Variants in NR1D2 observed in about 807,000 individuals in gnomAD.
NR1D2 encodes the protein V-erbA-related protein 1-related.
A neutral mutation model predicts 52.2 loss-of-function variants in NR1D2; 25 were observed. The observed-to-expected ratio is 0.48, with a 90% CI of 0.35 to 0.67. The LOEUF (loss-of-function observed/expected upper bound fraction) is 0.67. Ranked by LOEUF, NR1D2 falls within the 30% of genes least tolerant of loss-of-function variation. NR1D2 has a pLI of 0.01. For missense variants in NR1D2, 681 were observed against 707.2 expected (o/e 0.96, Z 0.42); for synonymous variants, 259 against 230.1 (o/e 1.13, Z -1.14).
chr3:23,956,915 A>C (rs1463782420), intron 3 of NR1D2, among the ~76,000 whole-genome samples: 1 of 152,138 alleles, frequency 6.6e-6, no homozygotes, highest in Non-Finnish European at 1.5e-5. Context: ...ATGGGTAAAC[A>C]AGATAATGAA....
At position 23,979,496 on chromosome 3, in the gene NR1D2, A is replaced by G. The variant is rs191716619; in HGVS notation, c.*2077A>G. The G allele has an allele frequency of 1.2e-4, 18 of 152,202 alleles. No homozygotes were observed. The East Asian group carries it at 3.5e-3, about 29-fold the overall frequency. The allele number at this position is 152,202 out of a possible 1,614,324, so 9.4% of individuals were successfully genotyped here. Reference sequence around the variant, plus strand: ...CTTTAAAACAATTAAGTCTTTAGGAATGTGTAACCAGAACTATGTTAGTAT... The same window carrying G: ...CTTTAAAACAATTAAGTCTTTAGGAGTGTGTAACCAGAACTATGTTAGTAT... On this transcript the variant is annotated 3_prime_UTR_variant, in exon 8 of 8. Coordinates refer to ENST00000312521, the MANE Select transcript of NR1D2 (RefSeq NM_005126.5).
intron 6 of NR1D2, among the ~76,000 whole-genome samples, chr3:23,966,353 CACTT>C (rs1204686414): frequency 6.6e-6 from 1 of 152,204 alleles, no homozygotes; most frequent in Non-Finnish European, 1.5e-5. Flanking sequence ...GTGCTTAGAA[CACTT>C]ACTGTGATAG....
At chr3:23,971,628 C>G (rs1203796898) in intron 7 of NR1D2, among the ~76,000 whole-genome samples, 1 of 152,026 alleles carries the variant, frequency 6.6e-6, no homozygotes, top group African/African-American at 2.4e-5. Flanking sequence ...CCTTTTCCCT[C>G]TCAATTTTTT....
intron 6 of NR1D2, among the ~76,000 whole-genome samples, chr3:23,967,394 C>G (rs968160415): frequency 6.6e-6 from 1 of 151,946 alleles, no homozygotes; most frequent in African/African-American, 2.4e-5. Context: ...GCGGGTGGAT[C>G]ACCTGAGGTC....
intron 6 of NR1D2, 60 bp from the exon 7 acceptor site, chr3:23,967,753 A>G: frequency 7.6e-7 from 1 of 1,317,518 alleles, no homozygotes; most frequent in East Asian, 2.4e-5. Context: ...TTGAATACTA[A>G]GTTATTTTTT....
Position 23,964,992 on chromosome 3 carries a change from A to G in NR1D2, c.1162A>G (p.Lys388Glu), listed in dbSNP as rs997544680. The change falls in exon 6 of 8, where the codon AAG (lysine) becomes GAG (glutamate). Residue 388 changes from lysine to glutamate, a missense_variant. By Grantham distance (56) the Lys-to-Glu change is moderately conservative (BLOSUM62 1). Coordinates refer to ENST00000312521, the MANE Select transcript of NR1D2 (RefSeq NM_005126.5). ...GRMHLVCPMSKSPYVDPHKSG... is the reference protein window; with the variant it reads ...GRMHLVCPMSESPYVDPHKSG... ...TGTATACTAGGTTTGTCCAATGAGT[A>G]AGTCTCCATATGTGGATCCTCATAA... The G allele has an allele frequency of 1.5e-5, 24 of 1,611,770 alleles. No individual in the cohort carries two copies. Among genetic ancestry groups the G allele is most frequent in the East Asian group, 8.9e-5 (4 of 44,850 alleles).
At chr3:23,971,301 C>CTTTTTTTT (rs1553599104) in intron 7 of NR1D2, among the ~76,000 whole-genome samples, 4 of 110,846 alleles carry the variant, frequency 3.6e-5, no homozygotes, top group African/African-American at 1.4e-4. Context: ...ATCTCTATAC[C>CTTTTTTTT]TATTTTTTTT....
intron 7 of NR1D2, among the ~76,000 whole-genome samples, chr3:23,970,274 G>A (rs546990631): frequency 6.6e-6 from 1 of 152,246 alleles, no homozygotes; most frequent in African/African-American, 2.4e-5. Flanking sequence ...AAGTAGAAGG[G>A]CCAACTTCCC....
Position 23,962,322 on chromosome 3 carries a change from C to T in NR1D2, c.863C>T (p.Pro288Leu), listed in dbSNP as rs17857306. 2.5e-6 allele frequency: 4 copies of T among 1,614,124 alleles called. No homozygotes were observed. Among genetic ancestry groups the T allele is most frequent in the Middle Eastern group, 1.6e-4 (1 of 6,062 alleles). Reference sequence around the variant, plus strand: ...CAGCCCCAGAGAGGAGAACGGATTCCCAAGAACATGGAGCAATATAATTTA... The same window carrying T: ...CAGCCCCAGAGAGGAGAACGGATTCTCAAGAACATGGAGCAATATAATTTA... ...SMQPQRGERI[P>L]KNMEQYNLNH... is the part of the protein sequence containing the mutation. The change falls in exon 5 of 8, where the codon CCC (proline) becomes CTC (leucine). Residue 288 changes from proline (P) to leucine (L), a missense_variant. Pro to Leu is a moderately conservative substitution (Grantham distance 98). Transcript: ENST00000312521.
At position 23,978,247 on chromosome 3, in the gene NR1D2, T is replaced by C. The variant is rs1163218748; in HGVS notation, c.*828T>C. The C allele has an allele frequency of 2.0e-5, 3 of 152,198 alleles. No individual in the cohort carries two copies. The highest frequency in any genetic ancestry group is 7.2e-5 in the African/African-American group (3 of 41,446). The allele number at this position is 152,198 out of a possible 1,614,324, so 9.4% of individuals were successfully genotyped here. A position where few individuals can be genotyped will look rare whatever the true frequency, so the allele number is the denominator to read the frequency against. Reference sequence around the variant, plus strand: ...TACATGTACATAATATGTATGTGAATATAGTTAAATATATTTCTTCACAAT... The same window carrying C: ...TACATGTACATAATATGTATGTGAACATAGTTAAATATATTTCTTCACAAT... On this transcript the variant is annotated 3_prime_UTR_variant, in exon 8 of 8. Coordinates refer to ENST00000312521, the MANE Select transcript of NR1D2 (RefSeq NM_005126.5).
chr3:23,959,327 A>G (rs1466919627), intron 3 of NR1D2, among the ~76,000 whole-genome samples: 5 of 152,128 alleles, frequency 3.3e-5, no homozygotes. Context: ...TGTAGTGAAT[A>G]AAAGTATGAG....
intron 7 of NR1D2, among the ~76,000 whole-genome samples, chr3:23,973,287 A>G (rs1198965343): frequency 6.6e-6 from 1 of 152,248 alleles, no homozygotes; most frequent in African/African-American, 2.4e-5. Flanking sequence ...TGTGAACATC[A>G]TAGAGTGTAC....
rs141991664 is a variant in NR1D2, at chr3:23,972,079, A to G, written c.1543+4056A>G. Among the ~76,000 whole-genome samples, 658 of 152,350 alleles carry G rather than the reference A, an allele frequency of 4.3e-3. 9 individuals carry two copies. Among genetic ancestry groups the G allele is most frequent in the African/African-American group, 0.015 (633 of 41,578 alleles). On this transcript the variant is annotated intron_variant, in intron 7 of 7. Transcript: ENST00000312521. ...AAGTAACATAGTTTGCTTTATCTTT[A>G]AAATAGCTTTTTCTTCTTGGAAATG...
chr3:23,979,469 A>G lies in NR1D2; in HGVS notation c.*2050A>G, dbSNP rs1706820211. 1 of 152,040 alleles carries G rather than the reference A, an allele frequency of 6.6e-6. No homozygotes were observed. Among genetic ancestry groups the G allele is most frequent in the Admixed American group, 6.5e-5 (1 of 15,272 alleles). The allele number at this position is 152,040 out of a possible 1,614,324, so 9.4% of individuals were successfully genotyped here. On this transcript the variant is annotated 3_prime_UTR_variant, in exon 8 of 8. Transcript: ENST00000312521. Reference sequence around the variant, plus strand: ...TTGCATAAGCCTCTTTATAACATGTATCTTTAAAACAATTAAGTCTTTAGG... The same window carrying G: ...TTGCATAAGCCTCTTTATAACATGTGTCTTTAAAACAATTAAGTCTTTAGG...
intron 1 of NR1D2, among the ~76,000 whole-genome samples, chr3:23,950,962 A>G (rs527274477): frequency 6.4e-5 from 9 of 141,562 alleles, no homozygotes; most frequent in East Asian, 2.0e-4. Context: ...CTGGAGTGCA[A>G]TGGTGCCATC....
chr3:23,973,700 C>T (rs1439620393), intron 7 of NR1D2, among the ~76,000 whole-genome samples: 1 of 152,114 alleles, frequency 6.6e-6, no homozygotes, highest in Non-Finnish European at 1.5e-5. Context: ...TTAGCTTGCT[C>T]TGTTTTACTT....
chr3:23,945,411 C>G lies in NR1D2; in HGVS notation c.-168C>G, dbSNP rs2125275199. 5.0e-6 allele frequency: 1 copy of G among 198,282 alleles called. No individual in the cohort carries two copies. Among genetic ancestry groups the G allele is most frequent in the African/African-American group, 2.4e-5 (1 of 42,200 alleles). The allele number at this position is 198,282 out of a possible 1,614,324, so 12.3% of individuals were successfully genotyped here. A position where few individuals can be genotyped will look rare whatever the true frequency, so the allele number is the denominator to read the frequency against. ...CGCCACCCTCTCTCGCTGCAGCCTG[C>G]TGTGCGCTGCACGGCCTGGGGCCCG... On this transcript the variant is annotated 5_prime_UTR_variant, in exon 1 of 8. Transcript: ENST00000312521.
intron 7 of NR1D2, among the ~76,000 whole-genome samples, chr3:23,970,468 A>G (rs1706557651): frequency 6.6e-6 from 1 of 152,208 alleles, no homozygotes; most frequent in African/African-American, 2.4e-5. Context: ...AAATATTAAA[A>G]TGGAAAAAAA....
At chr3:23,963,012 G>A (rs1706326265) in intron 5 of NR1D2, among the ~76,000 whole-genome samples, 1 of 151,070 alleles carries the variant, frequency 6.6e-6, no homozygotes, top group South Asian at 2.1e-4. Flanking sequence ...TCTATAGAAA[G>A]AGGTTTTTTT....
Sources: gnomAD v4.1 joint callset for allele counts (sites outside exome capture counted in the v4.1 genomes callset) on GRCh38, gnomAD v4.1.1 for gene constraint, MANE v1.5 for transcripts, NCBI Gene and HGNC (gene_info 2026-07-23, HGNC 2026-07-21) for gene names.